AHCYL2: variants seen among roughly 807,000 people sequenced by gnomAD.
The protein encoded by AHCYL2 is adenosylhomocysteinase like 2.
Under a neutral mutation model 81.4 loss-of-function variants are expected in AHCYL2, and 28 were observed. That is an observed-to-expected ratio of 0.34 (90% CI 0.25 to 0.47). The LOEUF (loss-of-function observed/expected upper bound fraction) is 0.47, where lower values mean the gene tolerates loss of function less well. Among genes scored for constraint, AHCYL2 ranks in the 20% least tolerant of loss-of-function variants. The pLI, the probability that AHCYL2 is intolerant of heterozygous loss-of-function variation, is 1.00. For missense variants in AHCYL2, 551 were observed against 785.1 expected (o/e 0.70, Z 3.56); for synonymous variants, 272 against 290.2 (o/e 0.94, Z 0.64).
chr7:129,293,429 G>C, intron 1 of AHCYL2, among the ~76,000 whole-genome samples: 1 of 151,960 alleles, frequency 6.6e-6, no homozygotes, highest in Non-Finnish European at 1.5e-5. Flanking sequence ...AAACTGGCTG[G>C]ACGCGGGAGG....
chr7:129,315,573 A>G (rs1454986263), intron 1 of AHCYL2, among the ~76,000 whole-genome samples: 1 of 152,176 alleles, frequency 6.6e-6, no homozygotes, highest in Non-Finnish European at 1.5e-5. Flanking sequence ...GCGTGATTAC[A>G]CTGTGTTATA....
intron 1 of AHCYL2, among the ~76,000 whole-genome samples, 179 bp from the exon 2 acceptor site, chr7:129,379,458 TA>T (rs879436988): frequency 2.8e-4 from 41 of 144,996 alleles, no homozygotes; most frequent in Admixed American, 3.4e-4. Context: ...CATCTCTATT[TA>T]AAAAAAAAAA....
chr7:129,302,927 G>T (rs1797302504), intron 1 of AHCYL2, among the ~76,000 whole-genome samples: 1 of 152,004 alleles, frequency 6.6e-6, no homozygotes. Flanking sequence ...AGTAAGATTG[G>T]TGTTAGTTCT....
chr7:129,364,254 A>G (rs988089472), intron 1 of AHCYL2, among the ~76,000 whole-genome samples: 5 of 152,114 alleles, frequency 3.3e-5, no homozygotes, highest in African/African-American at 1.2e-4. Flanking sequence ...ATAGAATATT[A>G]ATTTTTTTCT....
At chr7:129,299,266 G>T in intron 1 of AHCYL2, among the ~76,000 whole-genome samples, 1 of 125,828 alleles carries the variant, frequency 7.9e-6, no homozygotes, top group Non-Finnish European at 1.7e-5. Flanking sequence ...ACCATAGCAA[G>T]TCCCCTCCTC....
At chr7:129,258,230 ATTTTTTT>A in intron 1 of AHCYL2, among the ~76,000 whole-genome samples, 1 of 131,944 alleles carries the variant, frequency 7.6e-6, no homozygotes, top group Non-Finnish European at 1.6e-5. Flanking sequence ...ACAGTTCTCA[ATTTTTTT>A]TTTTTTTTGC....
rs1436891569 is a variant in AHCYL2, at chr7:129,429,698, T to C, written c.*2653T>C. On this transcript the variant is annotated 3_prime_UTR_variant, in exon 17 of 17. Coordinates refer to ENST00000325006, the MANE Select transcript of AHCYL2 (RefSeq NM_015328.4). ...CCTTCTTAATGGAGATATTCAGTTT[T>C]CTTTTTTTCATTTAAACAAAGAAAA... is the stretch of plus-strand genomic sequence containing the variant. 3 of 152,484 alleles carry C rather than the reference T, an allele frequency of 2.0e-5. No individual in the cohort carries two copies. Among genetic ancestry groups the C allele is most frequent in the Admixed American group, 2.0e-4 (3 of 15,268 alleles). 9.4% of individuals were successfully genotyped at this position (152,484 alleles called of 1,614,324 possible). A position where few individuals can be genotyped will look rare whatever the true frequency, so the allele number is the denominator to read the frequency against.
At chr7:129,387,284 T>C (rs1241628660) in intron 2 of AHCYL2, among the ~76,000 whole-genome samples, 1 of 152,282 alleles carries the variant, frequency 6.6e-6, no homozygotes, top group Non-Finnish European at 1.5e-5. Context: ...ACCTAGGCTA[T>C]GCCTAGTACA....
chr7:129,373,599 C>CAA (rs113448711), intron 1 of AHCYL2, among the ~76,000 whole-genome samples: 3 of 138,890 alleles, frequency 2.2e-5, no homozygotes, highest in Non-Finnish European at 3.1e-5. Flanking sequence ...GACTCAGTCT[C>CAA]AAAAAAAAAA....
intron 1 of AHCYL2, among the ~76,000 whole-genome samples, chr7:129,304,558 C>T (rs1376907686): frequency 6.6e-6 from 1 of 152,112 alleles, no homozygotes; most frequent in Admixed American, 6.5e-5. Context: ...TATCTGGGTG[C>T]TCCAGTGTTG....
chr7:129,395,982 G>T (rs1795717186), intron 4 of AHCYL2, among the ~76,000 whole-genome samples: 1 of 152,156 alleles, frequency 6.6e-6, no homozygotes, highest in Non-Finnish European at 1.5e-5. Flanking sequence ...AAAAGGATTT[G>T]TCACTCTTTG....
intron 1 of AHCYL2, among the ~76,000 whole-genome samples, chr7:129,330,626 A>G (rs934027334): frequency 6.6e-6 from 1 of 151,850 alleles, no homozygotes; most frequent in Admixed American, 6.6e-5. Context: ...GCCCACCACC[A>G]CGCCCGGCTA....
intron 7 of AHCYL2, among the ~76,000 whole-genome samples, chr7:129,404,499 A>G (rs1200130064): frequency 1.3e-5 from 2 of 152,042 alleles, no homozygotes; most frequent in Non-Finnish European, 2.9e-5. Flanking sequence ...ACGTGGTGAA[A>G]CCCCGTCTCT....
chr7:129,393,483 T>C (rs1306463631), intron 4 of AHCYL2, among the ~76,000 whole-genome samples: 1 of 152,198 alleles, frequency 6.6e-6, no homozygotes, highest in African/African-American at 2.4e-5. Context: ...ACTGTAAATA[T>C]CTCATTCTTT....
chr7:129,315,560 A>G (rs1399782475), intron 1 of AHCYL2, among the ~76,000 whole-genome samples: 1 of 152,182 alleles, frequency 6.6e-6, no homozygotes, highest in East Asian at 1.9e-4. Flanking sequence ...TTTTCCTATA[A>G]TTGCGTGATT....
chr7:129,304,735 ATT>A (rs959547849), intron 1 of AHCYL2, among the ~76,000 whole-genome samples: 1 of 150,524 alleles, frequency 6.6e-6, no homozygotes, highest in Non-Finnish European at 1.5e-5. Context: ...GATATGGAAT[ATT>A]TTTTTTCATC....
chr7:129,354,525 TCAG>T (rs1793672993), intron 1 of AHCYL2, among the ~76,000 whole-genome samples: 1 of 152,182 alleles, frequency 6.6e-6, no homozygotes, highest in South Asian at 2.1e-4. Context: ...TGGGTTGTTT[TCAG>T]CAGCAGAACA....
chr7:129,304,853 T>C (rs1468485151), intron 1 of AHCYL2, among the ~76,000 whole-genome samples: 1 of 152,132 alleles, frequency 6.6e-6, no homozygotes, highest in East Asian at 1.9e-4. Flanking sequence ...CTATGTCTTT[T>C]GATTGGGGAG....
chr7:129,296,765 A>G (rs1247341169), intron 1 of AHCYL2, among the ~76,000 whole-genome samples: 2 of 152,152 alleles, frequency 1.3e-5, no homozygotes, highest in Non-Finnish European at 2.9e-5. Flanking sequence ...CATGCAGTTG[A>G]TAGAGAGTAA....
Sources: gnomAD v4.1 joint callset for allele counts (sites outside exome capture counted in the v4.1 genomes callset) on GRCh38, gnomAD v4.1.1 for gene constraint, MANE v1.5 for transcripts, NCBI Gene and HGNC (gene_info 2026-07-23, HGNC 2026-07-21) for gene names.